Variants in DACH1 observed in about 807,000 individuals in gnomAD.
DACH1 encodes the protein dachshund homolog 1.
Under a neutral mutation model 54.2 loss-of-function variants are expected in DACH1, and 12 were observed. The ratio of observed to expected loss-of-function variants is 0.22; its 90% CI spans 0.14 to 0.36. The LOEUF is 0.36. Ranked by LOEUF, DACH1 falls within the 10% of genes least tolerant of loss-of-function variation. The pLI, the probability that DACH1 is intolerant of heterozygous loss-of-function variation, is 1.00. For synonymous variants in DACH1, 386 were observed against 366.2 expected, an observed-to-expected ratio of 1.05 and a Z score of -0.62; for missense variants, 805 against 929.8, an observed-to-expected ratio of 0.87 and a Z score of 1.75.
At chr13:71,479,105 T>C (rs1877816715) in intron 8 of DACH1, 64 bp downstream of exon 8, 1 of 1,390,774 alleles carries the variant, frequency 7.2e-7, no homozygotes, top group Non-Finnish European at 9.7e-7. Flanking sequence ...TAAATCACCA[T>C]CATAGTATTA....
chr13:71,538,037 C>G (rs1335275189), intron 6 of DACH1, among the ~76,000 whole-genome samples: 4 of 152,016 alleles, frequency 2.6e-5, no homozygotes, highest in Non-Finnish European at 5.9e-5. Flanking sequence ...GAACCCTTTT[C>G]TACTTCTCTA....
At chr13:71,513,877 A>G (rs1328315005) in intron 6 of DACH1, among the ~76,000 whole-genome samples, 1 of 152,058 alleles carries the variant, frequency 6.6e-6, no homozygotes, top group Non-Finnish European at 1.5e-5. Flanking sequence ...TGGCAAGTCC[A>G]TAGGCTGCCC....
At chr13:71,638,885 A>T (rs2058486518) in intron 2 of DACH1, among the ~76,000 whole-genome samples, 1 of 152,186 alleles carries the variant, frequency 6.6e-6, no homozygotes, top group African/African-American at 2.4e-5. Context: ...GTGTGCAATT[A>T]ATCTTGTCCA....
chr13:71,559,386 AT>A (rs1461403975), intron 5 of DACH1, among the ~76,000 whole-genome samples: 1 of 152,136 alleles, frequency 6.6e-6, no homozygotes, highest in Non-Finnish European at 1.5e-5. Flanking sequence ...AATTTAACTG[AT>A]TTCTCTTTGT....
chr13:71,774,856 T>C lies in DACH1; in HGVS notation c.848+91066A>G, dbSNP rs1885996634. Among the ~76,000 whole-genome samples, 7 of 152,100 alleles carry C rather than the reference T, an allele frequency of 4.6e-5. No individual in the cohort carries two copies. In the South Asian group the frequency reaches 1.2e-3, roughly 27 times the overall value. ...ACTGTCATTTTCTATGAAACTAAATTGATGATTCATCAACACAGGCCATTG... is the reference window on the plus strand; with the variant it reads ...ACTGTCATTTTCTATGAAACTAAATCGATGATTCATCAACACAGGCCATTG... On this transcript the variant is annotated intron_variant, in intron 1 of 10. Transcript: ENST00000613252.
At chr13:71,538,882 T>C (rs1272079410) in intron 6 of DACH1, among the ~76,000 whole-genome samples, 1 of 152,094 alleles carries the variant, frequency 6.6e-6, no homozygotes, top group Admixed American at 6.6e-5. Flanking sequence ...TTCTTGTCCT[T>C]TTAAAAAGAG....
intron 4 of DACH1, among the ~76,000 whole-genome samples, chr13:71,572,509 T>C (rs1266074402): frequency 2.6e-5 from 4 of 152,164 alleles, no homozygotes; most frequent in African/African-American, 9.7e-5. Flanking sequence ...TTATCCCTTC[T>C]GGTCTTCTGA....
Position 71,596,375 on chromosome 13 carries a change from T to A in DACH1, c.1127-23363A>T, listed in dbSNP as rs550012292. On this transcript the variant is annotated intron_variant, in intron 3 of 10. Coordinates refer to ENST00000613252, the MANE Select transcript of DACH1 (RefSeq NM_080759.6). ...CGACATGATTCTGCCCTCAAAGCGCTAATAGCCTACTGGAGAGGAAAAGAT... is the reference window on the plus strand; with the variant it reads ...CGACATGATTCTGCCCTCAAAGCGCAAATAGCCTACTGGAGAGGAAAAGAT... 2.0e-5 allele frequency among the ~76,000 whole-genome samples: 3 copies of A among 152,250 alleles called. No homozygotes were observed. The East Asian group carries it at 5.8e-4, about 29-fold the overall frequency.
In DACH1 at chr13:71,495,843, A is replaced by G. The variant is rs73521204; in HGVS notation, c.1571-6695T>C. On this transcript the variant is annotated intron_variant, in intron 6 of 10. Transcript: ENST00000613252. ...ATAAGGAAAGAAATCGTTATATCAAAAAGATACTTGCACTTGTATGTTTAT... is the reference window on the plus strand; with the variant it reads ...ATAAGGAAAGAAATCGTTATATCAAGAAGATACTTGCACTTGTATGTTTAT... Among the ~76,000 whole-genome samples, 1,512 of 152,242 alleles carry G rather than the reference A, an allele frequency of 9.9e-3. 23 individuals carry two copies. Among genetic ancestry groups the G allele is most frequent in the African/African-American group, 0.034 (1,427 of 41,550 alleles).
At chr13:71,706,166 A>G (rs1208935788) in intron 1 of DACH1, among the ~76,000 whole-genome samples, 1 of 151,936 alleles carries the variant, frequency 6.6e-6, no homozygotes, top group African/African-American at 2.4e-5. Context: ...ATCATCTTAG[A>G]GTTTTTAAGT....
At chr13:71,862,381 T>A (rs1874417872) in intron 1 of DACH1, among the ~76,000 whole-genome samples, 1 of 152,058 alleles carries the variant, frequency 6.6e-6, no homozygotes, top group South Asian at 2.1e-4. Context: ...GGTAAGCAGT[T>A]AATTAACTGA....
chr13:71,517,123 C>G (rs1566310851), intron 6 of DACH1, among the ~76,000 whole-genome samples: 1 of 151,690 alleles, frequency 6.6e-6, no homozygotes, highest in South Asian at 2.1e-4. Flanking sequence ...TTTCTGGTAG[C>G]ATGCGCCATT....
chr13:71,818,039 C>T (rs1056151006), intron 1 of DACH1, among the ~76,000 whole-genome samples: 2 of 151,954 alleles, frequency 1.3e-5, no homozygotes, highest in Non-Finnish European at 2.9e-5. Flanking sequence ...TCTCAAACTC[C>T]TGACCTCAAG....
In DACH1 at chr13:71,731,980, A is replaced by G. The variant is rs139924661; in HGVS notation, c.849-50070T>C. 2.0e-4 allele frequency among the ~76,000 whole-genome samples: 30 copies of G among 152,288 alleles called. 2 individuals are homozygous for G. Among genetic ancestry groups the G allele is most frequent in the African/African-American group, 7.2e-4 (30 of 41,556 alleles). On this transcript the variant is annotated intron_variant, in intron 1 of 10. Transcript: ENST00000613252. ...ACTAAAATCTTCAAATAATTTCTGA[A>G]TGTAAACTGCTAAGTACACCATTTT...
chr13:71,470,342 A>G (rs1039611613), intron 10 of DACH1, among the ~76,000 whole-genome samples: 1 of 147,872 alleles, frequency 6.8e-6, no homozygotes, highest in Non-Finnish European at 1.5e-5. Flanking sequence ...AGAGTCTCGC[A>G]CTGTTGCCCG....
chr13:71,573,120 C>A, intron 3 of DACH1, 108 bp from the exon 4 acceptor site: 1 of 1,150,868 alleles, frequency 8.7e-7, no homozygotes, highest in Non-Finnish European at 1.2e-6. Flanking sequence ...CAATATTTTT[C>A]CTCTTCATAT....
chr13:71,727,261 A>G (rs772673804), intron 1 of DACH1, among the ~76,000 whole-genome samples: 1 of 152,198 alleles, frequency 6.6e-6, no homozygotes, highest in Non-Finnish European at 1.5e-5. Flanking sequence ...GTATGAAAGG[A>G]GCACATTTCC....
intron 1 of DACH1, among the ~76,000 whole-genome samples, chr13:71,844,745 T>C (rs933289092): frequency 6.6e-6 from 1 of 152,010 alleles, no homozygotes; most frequent in African/African-American, 2.4e-5. Flanking sequence ...CTACCCACAC[T>C]TGATTAAAGA....
chr13:71,507,651 G>A (rs900532391), intron 6 of DACH1, among the ~76,000 whole-genome samples: 1 of 152,158 alleles, frequency 6.6e-6, no homozygotes, highest in African/African-American at 2.4e-5. Context: ...GTCACGGCAA[G>A]TGAGGACATC....
Sources: allele counts gnomAD v4.1 joint callset (sites outside exome capture counted in the v4.1 genomes callset), GRCh38; gene constraint gnomAD v4.1.1; transcripts MANE v1.5; gene names NCBI Gene and HGNC (gene_info 2026-07-23, HGNC 2026-07-21).